CERT1: variants seen among roughly 807,000 people sequenced by gnomAD.
The protein encoded by CERT1 is ceramide transfer protein.
CERT1 carries 31 observed loss-of-function variants against 87.9 expected under a neutral mutation model. The observed-to-expected ratio is 0.35, with a 90% CI of 0.27 to 0.48. The LOEUF is 0.48. CERT1 is among the 20% of genes least tolerant of loss of function. The pLI, the probability that CERT1 is intolerant of heterozygous loss-of-function variation, is 0.99. For synonymous variants in CERT1, 289 were observed against 250.9 expected (o/e 1.15, Z -1.44); for missense variants, 487 against 758.0 (o/e 0.64, Z 4.20).
chr5:75,451,741 G>C (rs1480650916), intron 3 of CERT1, among the ~76,000 whole-genome samples: 2 of 152,030 alleles, frequency 1.3e-5, no homozygotes, highest in African/African-American at 4.8e-5. Context: ...TAATAATTCT[G>C]CCATCTAGTT....
intron 2 of CERT1, among the ~76,000 whole-genome samples, chr5:75,478,029 G>A (rs1384081899): frequency 6.6e-6 from 1 of 152,090 alleles, no homozygotes; most frequent in Admixed American, 6.6e-5. Flanking sequence ...TTAGAAGGAA[G>A]AGGCCGGGCA....
intron 9 of CERT1, 36 bp from the exon 10 acceptor site, chr5:75,400,333 T>C (rs773036635): frequency 6.9e-7 from 1 of 1,459,064 alleles, no homozygotes; most frequent in Non-Finnish European, 9.5e-7. Flanking sequence ...GGGAAGGTTT[T>C]AAAGTGTATT....
chr5:75,432,931 C>G (rs1301548825), intron 3 of CERT1, among the ~76,000 whole-genome samples: 2 of 152,226 alleles, frequency 1.3e-5, no homozygotes, highest in Non-Finnish European at 2.9e-5. Context: ...GCCTGGTATA[C>G]TAGCACCATG....
intron 16 of CERT1, among the ~76,000 whole-genome samples, chr5:75,379,722 A>G (rs1761484543): frequency 6.6e-6 from 1 of 151,982 alleles, no homozygotes; most frequent in Non-Finnish European, 1.5e-5. Context: ...AGTAGCTGGG[A>G]TTACAGGTGC....
At chr5:75,419,576 C>A in intron 5 of CERT1, 152 bp from the exon 6 acceptor site, 1 of 606,712 alleles carries the variant, frequency 1.6e-6, no homozygotes. Flanking sequence ...AAGGTATGCT[C>A]AATAAATATC....
chr5:75,498,194 A>G (rs999517746), intron 2 of CERT1, among the ~76,000 whole-genome samples: 5 of 152,224 alleles, frequency 3.3e-5, no homozygotes. Context: ...CAAAGCATTC[A>G]AGATGAAGCA....
At chr5:75,475,949 T>C (rs1425174968) in intron 2 of CERT1, among the ~76,000 whole-genome samples, 1 of 152,154 alleles carries the variant, frequency 6.6e-6, no homozygotes, top group Non-Finnish European at 1.5e-5. Context: ...CATGTGCAAA[T>C]AGTGAAAACA....
At chr5:75,398,267 T>C (rs1328271664) in intron 11 of CERT1, among the ~76,000 whole-genome samples, 1 of 152,208 alleles carries the variant, frequency 6.6e-6, no homozygotes, top group Non-Finnish European at 1.5e-5. Flanking sequence ...CTCTTTAAAC[T>C]ATGACTTTTA....
intron 3 of CERT1, among the ~76,000 whole-genome samples, chr5:75,446,055 T>C (rs1764521236): frequency 6.6e-6 from 1 of 152,196 alleles, no homozygotes; most frequent in African/African-American, 2.4e-5. Flanking sequence ...ATGTCTTTCA[T>C]CAAATTTGGG....
chr5:75,497,810 C>T (rs1767144970), intron 2 of CERT1, among the ~76,000 whole-genome samples: 1 of 151,884 alleles, frequency 6.6e-6, no homozygotes, highest in Non-Finnish European at 1.5e-5. Context: ...AAAGTGGTAC[C>T]GTAGAGAGTG....
At chr5:75,469,897 A>G (rs1333769454) in intron 2 of CERT1, among the ~76,000 whole-genome samples, 1 of 152,168 alleles carries the variant, frequency 6.6e-6, no homozygotes, top group Non-Finnish European at 1.5e-5. Flanking sequence ...GCAACTAGAA[A>G]CCAAAAGACA....
At chr5:75,394,101 C>T (rs991170593) in intron 11 of CERT1, among the ~76,000 whole-genome samples, 5 of 152,088 alleles carry the variant, frequency 3.3e-5, no homozygotes, top group African/African-American at 1.2e-4. Context: ...GCACTTTTAG[C>T]CTACCGTATT....
At chr5:75,448,416 C>T (rs1032365574) in intron 3 of CERT1, among the ~76,000 whole-genome samples, 3 of 152,130 alleles carry the variant, frequency 2.0e-5, no homozygotes, top group African/African-American at 7.2e-5. Flanking sequence ...ACTTTGCTAC[C>T]TATTTTTATT....
chr5:75,500,165 G>GA (rs1278661558), intron 2 of CERT1, among the ~76,000 whole-genome samples: 2 of 152,128 alleles, frequency 1.3e-5, no homozygotes, highest in African/African-American at 4.8e-5. Context: ...GGAAACTCAT[G>GA]AAACAGCTTC....
chr5:75,493,545 T>C (rs1049762119), intron 2 of CERT1, among the ~76,000 whole-genome samples: 3 of 152,250 alleles, frequency 2.0e-5, no homozygotes, highest in African/African-American at 4.8e-5. Flanking sequence ...CACAGTCATT[T>C]TGAATCCTTA....
rs991692563 is a variant in CERT1 at position 75,426,431 on chromosome 5, T to C, written c.396A>G (p.Ser132=). 26 of 1,613,670 alleles carry C rather than the reference T, an allele frequency of 1.6e-5. No homozygotes were observed. The highest frequency in any genetic ancestry group is 2.1e-5 in the Non-Finnish European group (25 of 1,179,794). ...GSESSLRRHG[S]MVSLVSGASG... ...TTGCTCCAGACACCAGGGACACCATTGAGCCATGTCGACGCAAGCTGGATT... is the reference window on the plus strand; with the variant it reads ...TTGCTCCAGACACCAGGGACACCATCGAGCCATGTCGACGCAAGCTGGATT... The change falls in exon 4 of 17, where the codon TCA becomes TCG. Residue 132 remains serine, a synonymous_variant. Transcript: ENST00000643780.
intron 3 of CERT1, among the ~76,000 whole-genome samples, chr5:75,437,252 T>C (rs536932516): frequency 5.9e-5 from 9 of 152,362 alleles, no homozygotes; most frequent in African/African-American, 1.4e-4. Flanking sequence ...TGTGCCCTTA[T>C]GTATTTCTTC....
rs565132674 is a variant in CERT1, at chr5:75,493,806, A to T, written c.231+12176T>A. ...ACTGTTCAGATGTTAGAACTCCTGG[A>T]TTATTTCCTTAATTTTACCTATGTC... On this transcript the variant is annotated intron_variant, in intron 2 of 16. Coordinates refer to ENST00000643780, the MANE Select transcript of CERT1 (RefSeq NM_001379029.1). Among the ~76,000 whole-genome samples, 6 of 152,088 alleles carry T rather than the reference A, an allele frequency of 3.9e-5. No homozygotes were observed. The East Asian group carries it at 1.2e-3, about 29-fold the overall frequency.
chr5:75,464,579 T>C (rs1050809100), intron 2 of CERT1, among the ~76,000 whole-genome samples: 1 of 151,908 alleles, frequency 6.6e-6, no homozygotes, highest in Admixed American at 6.6e-5. Context: ...ACTTGAGCAG[T>C]GTTTTTTGTT....
Sources: allele counts gnomAD v4.1 joint callset (sites outside exome capture counted in the v4.1 genomes callset), GRCh38; gene constraint gnomAD v4.1.1; transcripts MANE v1.5; gene names NCBI Gene and HGNC (gene_info 2026-07-23, HGNC 2026-07-21).